The following AGMO variants were observed in gnomAD, a reference collection of about 807,000 sequenced individuals.
AGMO encodes alkylglycerol monooxygenase, also known as glyceryl-ether monooxygenase.
AGMO carries 75 observed loss-of-function variants against 60.2 expected under a neutral mutation model. The observed-to-expected ratio is 1.25, with a 90% CI of 1.03 to 1.51. AGMO has a LOEUF of 1.51. Among genes scored for constraint, AGMO ranks in the 40% most tolerant of loss-of-function variants. The probability of loss-of-function intolerance (pLI) is 0.00; values close to 1 mark genes in which losing one functional copy is unlikely to be tolerated. For missense variants in AGMO, 763 were observed against 525.5 expected (o/e 1.45, Z -4.42); for synonymous variants, 261 against 177.1 (o/e 1.47, Z -3.76).
At chr7:15,247,804 TACTAGACAATGGAAATAA>T (rs1400976796) in intron 12 of AGMO, among the ~76,000 whole-genome samples, 7 of 152,014 alleles carry the variant, frequency 4.6e-5, no homozygotes, top group African/African-American at 1.7e-4. Context: ...CACCAAACCA[TACTAGACAATGGAAATAA>T]GTCAATTCAA....
chr7:15,277,910 C>A (rs913497118), intron 12 of AGMO, among the ~76,000 whole-genome samples: 1 of 152,022 alleles, frequency 6.6e-6, no homozygotes, highest in African/African-American at 2.4e-5. Flanking sequence ...GGGCGCTAGC[C>A]CTAATAGGGG....
intron 3 of AGMO, among the ~76,000 whole-genome samples, chr7:15,452,008 G>C (rs1327008865): frequency 2.0e-5 from 3 of 152,154 alleles, no homozygotes; most frequent in Non-Finnish European, 2.9e-5. Context: ...TCCTAAGTTA[G>C]GTTTTCAATC....
At chr7:15,392,077 A>T (rs1383828493) in intron 6 of AGMO, among the ~76,000 whole-genome samples, 2 of 149,738 alleles carry the variant, frequency 1.3e-5, no homozygotes, top group Non-Finnish European at 3.0e-5. Context: ...TTTTAATTTA[A>T]TTTTTTTTTT....
intron 12 of AGMO, among the ~76,000 whole-genome samples, chr7:15,207,095 C>T (rs1417297023): frequency 1.3e-5 from 2 of 152,086 alleles, no homozygotes; most frequent in Admixed American, 6.6e-5. Context: ...TCATCCAGAC[C>T]GCATTTCAAC....
intron 3 of AGMO, among the ~76,000 whole-genome samples, chr7:15,525,925 G>A (rs1784117310): frequency 6.6e-6 from 1 of 152,200 alleles, no homozygotes; most frequent in African/African-American, 2.4e-5. Flanking sequence ...CCCCTCGTCT[G>A]AACACTGGAA....
At chr7:15,378,198 T>C (rs1783529367) in intron 10 of AGMO, among the ~76,000 whole-genome samples, 1 of 152,056 alleles carries the variant, frequency 6.6e-6, no homozygotes, top group Non-Finnish European at 1.5e-5. Flanking sequence ...CCTGTGGCTT[T>C]TTATTTTAAA....
intron 12 of AGMO, among the ~76,000 whole-genome samples, chr7:15,275,638 G>C (rs1326391671): frequency 1.3e-5 from 2 of 152,016 alleles, no homozygotes; most frequent in African/African-American, 4.8e-5. Context: ...GTCACCAGTG[G>C]GGTGTTAAGG....
rs143413053 is a variant in AGMO, at chr7:15,483,858, G to C, written c.410-52750C>G. On this transcript the variant is annotated intron_variant, in intron 3 of 12. Coordinates refer to ENST00000342526, the MANE Select transcript of AGMO (RefSeq NM_001004320.2). ...TTAAAATTTATATAAAGATTCAGGG[G>C]ACCATTCCAACAAAAAAGAAAAATA... Among the ~76,000 whole-genome samples the C allele has an allele frequency of 2.9e-3, 440 of 151,996 alleles. 1 individual carries two copies. The highest frequency in any genetic ancestry group is 9.7e-3 in the African/African-American group (401 of 41,474).
rs759417705 is a variant in AGMO at position 15,418,540 on chromosome 7, G to T, written c.609+18C>A. The T allele has an allele frequency of 4.0e-6, 6 of 1,489,690 alleles. No homozygotes were observed. Among genetic ancestry groups the T allele is most frequent in the Non-Finnish European group, 5.5e-6 (6 of 1,081,582 alleles). 92.3% of individuals were successfully genotyped at this position (1,489,690 alleles called of 1,614,324 possible). On this transcript the variant is annotated intron_variant, in intron 5 of 12. Coordinates refer to ENST00000342526, the MANE Select transcript of AGMO (RefSeq NM_001004320.2). ...GCTGTTTAGGTATAAAACTTACAAA[G>T]ATAAAAAAAAGTTTTACCTCTGTAT...
chr7:15,254,741 C>T (rs560089255), intron 12 of AGMO, among the ~76,000 whole-genome samples: 1 of 150,594 alleles, frequency 6.6e-6, no homozygotes, highest in Non-Finnish European at 1.5e-5. Flanking sequence ...CTTTAACCAG[C>T]CTGAAAAAAA....
intron 12 of AGMO, among the ~76,000 whole-genome samples, chr7:15,297,816 A>G (rs1784447525): frequency 6.6e-6 from 1 of 152,198 alleles, no homozygotes; most frequent in Non-Finnish European, 1.5e-5. Context: ...GAAAGTAGGC[A>G]AACATGAGTG....
At chr7:15,489,673 C>G (rs1783019010) in intron 3 of AGMO, among the ~76,000 whole-genome samples, 1 of 152,186 alleles carries the variant, frequency 6.6e-6, no homozygotes, top group South Asian at 2.1e-4. Context: ...AACCAGTGCA[C>G]ACACAAAGTC....
intron 10 of AGMO, among the ~76,000 whole-genome samples, chr7:15,379,408 A>C (rs1301839100): frequency 6.6e-6 from 1 of 152,108 alleles, no homozygotes; most frequent in Non-Finnish European, 1.5e-5. Context: ...TCAAATAAAC[A>C]GTATCAAAAA....
intron 3 of AGMO, among the ~76,000 whole-genome samples, chr7:15,451,890 G>A (rs12113654): frequency 0.059 from 8,930 of 152,194 alleles, 858 homozygotes; most frequent in African/African-American, 0.2. Context: ...GTTGGCATTT[G>A]CCTTACTTAT....
At chr7:15,300,278 T>TACAGC (rs1297475919) in intron 12 of AGMO, among the ~76,000 whole-genome samples, 2 of 107,438 alleles carry the variant, frequency 1.9e-5, no homozygotes, top group African/African-American at 1.2e-4. Context: ...ATAAGTCTAC[T>TACAGC]AAAGTTCACA....
intron 12 of AGMO, among the ~76,000 whole-genome samples, chr7:15,284,060 C>T (rs1784037249): frequency 6.6e-6 from 1 of 151,856 alleles, no homozygotes; most frequent in Admixed American, 6.6e-5. Flanking sequence ...TTTATCAAAA[C>T]CTCTGGGATA....
intron 12 of AGMO, among the ~76,000 whole-genome samples, chr7:15,259,652 G>A (rs1783209295): frequency 6.6e-6 from 1 of 152,004 alleles, no homozygotes. Flanking sequence ...TAAGAGCTGT[G>A]AGGCAAAAGC....
At chr7:15,561,568 A>T (rs1265216796) in intron 1 of AGMO, 152 bp downstream of exon 1, 3 of 737,246 alleles carry the variant, frequency 4.1e-6, no homozygotes, top group Non-Finnish European at 5.8e-6. Flanking sequence ...TGGAAATTCT[A>T]CTTTTGCTTC....
intron 12 of AGMO, among the ~76,000 whole-genome samples, chr7:15,345,541 CTACTG>C (rs1310010416): frequency 2.6e-5 from 4 of 152,140 alleles, no homozygotes; most frequent in African/African-American, 9.7e-5. Context: ...TTTTCAAACT[CTACTG>C]TAATTACTAT....
Sources: allele counts gnomAD v4.1 joint callset (sites outside exome capture counted in the v4.1 genomes callset), GRCh38; gene constraint gnomAD v4.1.1; transcripts MANE v1.5; gene names NCBI Gene and HGNC (gene_info 2026-07-23, HGNC 2026-07-21).